The following DRAM1 variants were observed in gnomAD, a reference collection of about 807,000 sequenced individuals.
DRAM1 encodes the protein DNA damage-regulated autophagy modulator protein 1.
In DRAM1, 25 loss-of-function variants were observed where a neutral mutation model predicts 28.5. That is an observed-to-expected ratio of 0.88 (90% CI 0.64 to 1.23). The LOEUF (loss-of-function observed/expected upper bound fraction) is 1.23. DRAM1 is among the 50% of genes most tolerant of loss of function. The pLI is 0.00. For synonymous variants in DRAM1, 113 were observed against 114.2 expected (o/e 0.99, Z 0.07); for missense variants, 249 against 299.2 (o/e 0.83, Z 1.24).
chr12:101,903,484 A>G (rs55711803), intron 3 of DRAM1, among the ~76,000 whole-genome samples: 13,365 of 152,230 alleles, frequency 0.088, 708 homozygotes, highest in Middle Eastern at 0.18. Flanking sequence ...AAGAAAATCA[A>G]ACTTACAGGA....
chr12:101,919,305 C>CAT (rs1295627746), intron 5 of DRAM1, among the ~76,000 whole-genome samples: 1 of 151,022 alleles, frequency 6.6e-6, no homozygotes, highest in South Asian at 2.1e-4. Flanking sequence ...CACACACACA[C>CAT]GGTTTTGTTT....
chr12:101,878,844 G>A (rs1050828959), intron 1 of DRAM1, among the ~76,000 whole-genome samples: 1 of 152,134 alleles, frequency 6.6e-6, no homozygotes, highest in South Asian at 2.1e-4. Flanking sequence ...AATGTAGGGC[G>A]TCTTCTTCCC....
chr12:101,879,560 C>T (rs539730301), intron 1 of DRAM1, among the ~76,000 whole-genome samples: 3 of 150,612 alleles, frequency 2.0e-5, no homozygotes, highest in South Asian at 4.5e-4. Flanking sequence ...GGATTACAGG[C>T]GTGAGCCACC....
At chr12:101,908,117 T>G in intron 3 of DRAM1, 69 bp from the exon 4 acceptor site, 143 of 1,368,084 alleles carry the variant, frequency 1.0e-4, no homozygotes, top group Non-Finnish European at 1.3e-4. Context: ...CAGCCCAGAG[T>G]GAGAGTGCTT....
intron 1 of DRAM1, among the ~76,000 whole-genome samples, chr12:101,896,874 G>A (rs1187147152): frequency 6.8e-6 from 1 of 147,704 alleles, no homozygotes; most frequent in Non-Finnish European, 1.5e-5. Context: ...CGCAACCTCC[G>A]CCTCCTGGGT....
At chr12:101,909,448 T>A (rs1197746889) in intron 4 of DRAM1, among the ~76,000 whole-genome samples, 1 of 152,166 alleles carries the variant, frequency 6.6e-6, no homozygotes, top group African/African-American at 2.4e-5. Flanking sequence ...TTCTTTGTAG[T>A]GCTTGGCTAA....
At chr12:101,882,618 A>G (rs1488892543) in intron 1 of DRAM1, among the ~76,000 whole-genome samples, 1 of 151,346 alleles carries the variant, frequency 6.6e-6, no homozygotes, top group Non-Finnish European at 1.5e-5. Flanking sequence ...ATAGGAATAA[A>G]TATTCAAATT....
At chr12:101,897,789 G>A (rs376292648) in intron 1 of DRAM1, 74 bp from the exon 2 acceptor site, 7 of 1,041,340 alleles carry the variant, frequency 6.7e-6, no homozygotes, top group East Asian at 2.5e-5. Context: ...TATAAAACTC[G>A]CCAATTACGT....
rs573374999 is a variant in DRAM1 at position 101,905,779 on chromosome 12, TTATTTATG to T, written c.343-2399_343-2392del. ...TGATTTTATTTATTTATTTATTTATTTATTTATGTATTTATTTATTTTTTGAGATGGAG... is the reference window on the plus strand; with the variant it reads ...TGATTTTATTTATTTATTTATTTATTTATTTATTTATTTTTTGAGATGGAG... On this transcript the variant is annotated intron_variant, in intron 3 of 6. Transcript: ENST00000258534. Among the ~76,000 whole-genome samples the T allele has an allele frequency of 5.6e-3, 837 of 150,682 alleles. 11 individuals carry two copies. Among genetic ancestry groups the T allele is most frequent in the South Asian group, 0.024 (115 of 4,780 alleles).
At chr12:101,891,351 C>A (rs1566122411) in intron 1 of DRAM1, among the ~76,000 whole-genome samples, 1 of 152,092 alleles carries the variant, frequency 6.6e-6, no homozygotes, top group Non-Finnish European at 1.5e-5. Flanking sequence ...CATCTAAGTT[C>A]CTCCAATAAA....
At chr12:101,900,009 CTATT>C (rs1873535501) in intron 2 of DRAM1, among the ~76,000 whole-genome samples, 2 of 152,084 alleles carry the variant, frequency 1.3e-5, no homozygotes, top group Non-Finnish European at 2.9e-5. Flanking sequence ...ATTATGGTAG[CTATT>C]TATTTATTCA....
intron 1 of DRAM1, among the ~76,000 whole-genome samples, chr12:101,895,193 T>TTTTTTTTGTTTTTGTTTTTG (rs1873307677): frequency 8.0e-6 from 1 of 125,506 alleles, no homozygotes; most frequent in Non-Finnish European, 1.6e-5. Flanking sequence ...CAGGTTTTTT[T>TTTTTTTTGTTTTTGTTTTTG]TTTTTTTTTT....
chr12:101,890,113 C>G (rs1294193228), intron 1 of DRAM1: 2 of 450,216 alleles, frequency 4.4e-6, no homozygotes, highest in Admixed American at 2.4e-5. Context: ...AAGCCTCACT[C>G]TGTCGGCCAG....
intron 3 of DRAM1, among the ~76,000 whole-genome samples, chr12:101,906,683 C>T (rs771282861): frequency 2.0e-5 from 3 of 151,716 alleles, no homozygotes; most frequent in Non-Finnish European, 4.4e-5. Context: ...GAGAAACCCC[C>T]GTCTCTACTG....
chr12:101,897,505 A>G (rs1291705055), intron 1 of DRAM1, among the ~76,000 whole-genome samples: 1 of 150,054 alleles, frequency 6.7e-6, no homozygotes, highest in Non-Finnish European at 1.5e-5. Context: ...CCGGCCTCAA[A>G]CATGATTTTA....
intron 4 of DRAM1, among the ~76,000 whole-genome samples, chr12:101,908,983 T>A (rs768080150): frequency 2.0e-5 from 3 of 150,754 alleles, no homozygotes; most frequent in Non-Finnish European, 4.4e-5. Context: ...TAGATCAAGC[T>A]GGGCGTAGTG....
At chr12:101,895,203 T>TTTTTTTTG (rs1873310645) in intron 1 of DRAM1, among the ~76,000 whole-genome samples, 2 of 137,446 alleles carry the variant, frequency 1.5e-5, no homozygotes, top group African/African-American at 5.9e-5. Flanking sequence ...TTTTTTTTTT[T>TTTTTTTTG]TTTTTTTTTT....
intron 1 of DRAM1, among the ~76,000 whole-genome samples, chr12:101,882,143 G>T (rs1872710003): frequency 7.3e-6 from 1 of 136,848 alleles, no homozygotes; most frequent in South Asian, 2.3e-4. Context: ...TTTTGAGACG[G>T]AGTTTCCCAG....
At chr12:101,889,282 A>G (rs1370897855) in intron 1 of DRAM1, among the ~76,000 whole-genome samples, 1 of 152,234 alleles carries the variant, frequency 6.6e-6, no homozygotes, top group Admixed American at 6.5e-5. Flanking sequence ...CATGAAAATG[A>G]TAACAACTTT....
Sources: gnomAD v4.1 joint callset for allele counts (sites outside exome capture counted in the v4.1 genomes callset) on GRCh38, gnomAD v4.1.1 for gene constraint, MANE v1.5 for transcripts, NCBI Gene and HGNC (gene_info 2026-07-23, HGNC 2026-07-21) for gene names.